The following OTOF variants were observed in gnomAD, a reference collection of about 807,000 sequenced individuals.
OTOF encodes the protein fer-1-like family member 2.
Under a neutral mutation model 236.8 loss-of-function variants are expected in OTOF, and 218 were observed. The observed-to-expected ratio is 0.92, with a 90% CI of 0.82 to 1.03. The LOEUF (loss-of-function observed/expected upper bound fraction) is 1.03. Ranked by LOEUF, OTOF falls within the 50% of genes least tolerant of loss-of-function variation. The pLI is 0.00. For synonymous variants in OTOF, 1,041 were observed against 1,072.5 expected, an observed-to-expected ratio of 0.97 and a Z score of 0.57; for missense variants, 2,590 against 2,694.4, an observed-to-expected ratio of 0.96 and a Z score of 0.86.
intron 5 of OTOF, among the ~76,000 whole-genome samples, chr2:26,513,428 G>A (rs369184485): frequency 2.0e-5 from 3 of 152,128 alleles, no homozygotes; most frequent in African/African-American, 7.2e-5. Context: ...CCCTCCATCC[G>A]TGGAAGATTC....
rs766819324 is a variant in OTOF at position 26,474,609 on chromosome 2, G to C, written c.3192C>G (p.Tyr1064Ter). Reference sequence around the variant, plus strand: ...GCTGAGGTGGGAAGCGGGGTGGGCAGTACGCCTCGTCTGCCATCTTCACCA... The same window carrying C: ...GCTGAGGTGGGAAGCGGGGTGGGCACTACGCCTCGTCTGCCATCTTCACCA... ...KPLVKMADEA[Y>*]CPPRFPPQLE... Residue 1064 changes from tyrosine (Y) to a stop codon, truncating the protein, a stop_gained, in exon 26 of 47, where the codon TAC (tyrosine) becomes TAG (stop). Transcript: ENST00000272371. LOFTEE classifies it high-confidence loss of function. 6.2e-7 allele frequency: 1 copy of C among 1,613,324 alleles called. No homozygotes were observed. The highest frequency in any genetic ancestry group is 2.2e-5 in the East Asian group (1 of 44,880).
Position 26,477,395 on chromosome 2 carries a change from G to A in OTOF, c.2406+21C>T, listed in dbSNP as rs753046338. 1.5e-5 allele frequency: 23 copies of A among 1,571,100 alleles called. No individual in the cohort carries two copies. Among genetic ancestry groups the A allele is most frequent in the African/African-American group, 5.4e-5 (4 of 74,134 alleles). ...CAACCAGGCCCTCCCTCCAGCCCCC[G>A]CCGTCCAGTTGCGTCCTCACCAGCT... On this transcript the variant is annotated intron_variant, in intron 20 of 46. Coordinates refer to ENST00000272371, the MANE Select transcript of OTOF (RefSeq NM_194248.3). The surrounding 1 kb of genome is among the most constrained non-coding windows in gnomAD (Gnocchi z 4.7).
chr2:26,479,693 C>T (rs1487894111), intron 16 of OTOF, 40 bp from the exon 17 acceptor site: 9 of 1,588,952 alleles, frequency 5.7e-6, no homozygotes, highest in Non-Finnish European at 7.8e-6. Context: ...AGTGCATTCC[C>T]CACCAGGCCC....
rs766694664 is a variant in OTOF at position 26,476,113 on chromosome 2, G to A, written c.2866+15C>T. 2 of 1,611,142 alleles carry A rather than the reference G, an allele frequency of 1.2e-6. No individual in the cohort carries two copies. The highest frequency in any genetic ancestry group is 1.7e-6 in the Non-Finnish European group (2 of 1,179,426). Reference sequence around the variant, plus strand: ...CCCTCCCAGGTGAGGCTTCGAGTGAGGGGTCCTCACTCACTGGTGTAGACC... The same window carrying A: ...CCCTCCCAGGTGAGGCTTCGAGTGAAGGGTCCTCACTCACTGGTGTAGACC... On this transcript the variant is annotated intron_variant, in intron 23 of 46. Coordinates refer to ENST00000272371, the MANE Select transcript of OTOF (RefSeq NM_194248.3).
Position 26,460,727 on chromosome 2 carries a change from C to T in OTOF, c.5733G>A (p.Leu1911=). 6.2e-7 allele frequency: 1 copy of T among 1,614,156 alleles called. No homozygotes were observed. The highest frequency in any genetic ancestry group is 8.5e-7 in the Non-Finnish European group (1 of 1,179,994). ...CTGCCTCCTCTGCTGTCAGTAAATG[C>T]AGCTCAGCCTCCACCTTGCCCTGCA... The part of the protein sequence containing the change: ...FELTGKVEAE[L]HLLTAEEAEK... Residue 1911 remains leucine (L), a synonymous_variant, in exon 45 of 47, where the codon CTG becomes CTA. Coordinates refer to ENST00000272371, the MANE Select transcript of OTOF (RefSeq NM_194248.3). This position sits in a 1 kb window ranked among gnomAD's most constrained non-coding sequence, Gnocchi z 5.3.
intron 2 of OTOF, among the ~76,000 whole-genome samples, 162 bp downstream of exon 2, chr2:26,537,554 C>T (rs1376569323): frequency 6.6e-6 from 1 of 152,208 alleles, no homozygotes; most frequent in Non-Finnish European, 1.5e-5. Flanking sequence ...TTCCTGCACA[C>T]CCTCCTTACC....
chr2:26,510,471 T>A (rs1178940462), intron 5 of OTOF, among the ~76,000 whole-genome samples: 1 of 143,482 alleles, frequency 7.0e-6, no homozygotes, highest in Non-Finnish European at 1.5e-5. Flanking sequence ...GAGCCCAGAG[T>A]GGAAACCAGA....
In OTOF at chr2:26,481,014, G is replaced by A; in HGVS notation, c.1580-5C>T. 2 of 1,610,488 alleles carry A rather than the reference G, an allele frequency of 1.2e-6. No individual in the cohort carries two copies. Among genetic ancestry groups the A allele is most frequent in the South Asian group, 1.1e-5 (1 of 91,002 alleles). On this transcript the variant is annotated splice_region_variant and splice_polypyrimidine_tract_variant and intron_variant, in intron 14 of 46. Coordinates refer to ENST00000272371, the MANE Select transcript of OTOF (RefSeq NM_194248.3). Reference sequence around the variant, plus strand: ...GGCCCAGTGTGGGCAGGAAGCCTGTGGCAGTGGGAACAAAAATGAGGGGGC... The same window carrying A: ...GGCCCAGTGTGGGCAGGAAGCCTGTAGCAGTGGGAACAAAAATGAGGGGGC...
chr2:26,485,386 C>A (rs1431062940), intron 11 of OTOF, among the ~76,000 whole-genome samples: 1 of 152,200 alleles, frequency 6.6e-6, no homozygotes, highest in East Asian at 1.9e-4. Flanking sequence ...GCTCTCCATG[C>A]ACACCTCCCA....
Position 26,477,469 on chromosome 2 carries a change from A to T in OTOF, c.2353T>A (p.Ser785Thr). ...TCCCGGTCAAGCCTGGTGCGGGATG[A>T]GTGGCCCTGGTCCTTGTCAGCGAGG... ...LSLADKDQGH[S>T]SRTRLDRERL... is the part of the protein sequence containing the mutation. Residue 785 changes from serine to threonine, a missense_variant, in exon 20 of 47, where the codon TCA becomes ACA. Physicochemically the swap from Ser to Thr is moderately conservative, Grantham distance 58. Transcript: ENST00000272371. This position sits in a 1 kb window ranked among gnomAD's most constrained non-coding sequence, Gnocchi z 4.7. The T allele has an allele frequency of 1.2e-6, 2 of 1,603,812 alleles. No individual in the cohort carries two copies. The highest frequency in any genetic ancestry group is 1.1e-5 in the South Asian group (1 of 89,100).
At chr2:26,503,882 G>A (rs2148080548) in intron 5 of OTOF, 37 bp from the exon 6 acceptor site, 1 of 1,573,648 alleles carries the variant, frequency 6.4e-7, no homozygotes, top group East Asian at 2.2e-5. Context: ...TGCAGGGAGA[G>A]GGACGCATGG....
At position 26,503,841 on chromosome 2, in the gene OTOF, C is replaced by T. The variant is rs397517949; in HGVS notation, c.514G>A (p.Gly172Arg). ...TTCATGGCGGAGAACACGCTCCTCC[C>T]GGCTCTGTGAGGGGGGCCACCAGAA... ...PPGEKSFRRAGRSVFSAMKLG... is the reference protein window; with the variant it reads ...PPGEKSFRRARRSVFSAMKLG... Residue 172 changes from glycine (G) to arginine (R), a missense_variant, in exon 6 of 47, where the codon GGG becomes AGG. Coordinates refer to ENST00000272371, the MANE Select transcript of OTOF (RefSeq NM_194248.3). 12 of 1,613,956 alleles carry T rather than the reference C, an allele frequency of 7.4e-6. No homozygotes were observed. The highest frequency in any genetic ancestry group is 9.3e-6 in the Non-Finnish European group (11 of 1,179,920).
chr2:26,502,347 C>T lies in OTOF; in HGVS notation c.663G>A (p.Val221=), dbSNP rs1442478643. 1 of 1,614,068 alleles carries T rather than the reference C, an allele frequency of 6.2e-7. No homozygotes were observed. Reference sequence around the variant, plus strand: ...TGAGAGCTGTGACTGAGGCTAGAGACACCGAGTCGGGATCCAGTCCATCTC... The same window carrying T: ...TGAGAGCTGTGACTGAGGCTAGAGATACCGAGTCGGGATCCAGTCCATCTC... ...RLGDGLDPDS[V]SLASVTALTT... is the part of the protein sequence containing the mutation. The change falls in exon 7 of 47, where the codon GTG becomes GTA. Residue 221 remains valine, a synonymous_variant. Coordinates refer to ENST00000272371, the MANE Select transcript of OTOF (RefSeq NM_194248.3).
At chr2:26,523,215 G>A (rs1666722530) in intron 3 of OTOF, among the ~76,000 whole-genome samples, 1 of 152,262 alleles carries the variant, frequency 6.6e-6, no homozygotes, top group Admixed American at 6.5e-5. Context: ...AGGCAGAGCT[G>A]GATGCACAAA....
Position 26,477,279 on chromosome 2 carries a change from C to T in OTOF, c.2416G>A (p.Gly806Arg). Residue 806 changes from glycine (G) to arginine (R), a missense_variant, in exon 21 of 47, where the codon GGG becomes AGG. This residue lies in a region of OTOF where 1,379 missense variants were observed against 1,341.6 expected (regional missense o/e 1.03). Transcript: ENST00000272371. This position sits in a 1 kb window ranked among gnomAD's most constrained non-coding sequence, Gnocchi z 4.7. ...KSCMRELENM[G>R]QQARMLRAQV... is the part of the protein sequence containing the mutation. ...GCCCGCAGCATCCTGGCCTGCTGCC[C>T]CATGTTTTCCTGCGAAGGAGGGGGT... The T allele has an allele frequency of 6.2e-7, 1 of 1,609,198 alleles. No homozygotes were observed. The highest frequency in any genetic ancestry group is 1.3e-5 in the African/African-American group (1 of 75,012).
At chr2:26,466,204 G>T in intron 36 of OTOF, 128 bp from the exon 37 acceptor site, 1 of 1,194,942 alleles carries the variant, frequency 8.4e-7, no homozygotes, top group Non-Finnish European at 1.2e-6. Context: ...CCCTCAGGAG[G>T]CTTGCTGTGT....
Position 26,479,264 on chromosome 2 carries a change from C to T in OTOF, c.2214G>A (p.Leu738=). ...ANIMDHIADK[L]EEGLNDIQEM... The stretch of plus-strand genomic sequence containing the variant: ...TGCTGGCCCCTGGCCTGGCCCTGAC[C>T]AGCTTGTCGGCAATGTGGTCCATGA... Residue 738 remains leucine, a splice_region_variant and synonymous_variant, in exon 18 of 47, where the codon CTG becomes CTA. Coordinates refer to ENST00000272371, the MANE Select transcript of OTOF (RefSeq NM_194248.3). 2 of 1,612,622 alleles carry T rather than the reference C, an allele frequency of 1.2e-6. No homozygotes were observed. Among genetic ancestry groups the T allele is most frequent in the Non-Finnish European group, 1.7e-6 (2 of 1,179,896 alleles).
At chr2:26,527,084 C>T (rs1329267708) in intron 3 of OTOF, among the ~76,000 whole-genome samples, 1 of 152,206 alleles carries the variant, frequency 6.6e-6, no homozygotes, top group South Asian at 2.1e-4. Context: ...ATGACAACTA[C>T]TTTTATTGAA....
chr2:26,457,897 CG>C lies in OTOF; in HGVS notation c.*340del. 1 of 848,182 alleles carries C rather than the reference CG, an allele frequency of 1.2e-6. No homozygotes were observed. Among genetic ancestry groups the C allele is most frequent in the Admixed American group, 2.3e-5 (1 of 43,708 alleles). The allele number at this position is 848,182 out of a possible 1,614,324, so 52.5% of individuals were successfully genotyped here. On this transcript the variant is annotated 3_prime_UTR_variant, in exon 47 of 47. Transcript: ENST00000272371. The surrounding 1 kb of genome is among the most constrained non-coding windows in gnomAD (Gnocchi z 4.4). ...TGGGGCAGTGAGGACAGGCGGCCCC[CG>C]CAAGCAGGAGGCAGGCTCGGCCCAA...
Sources: allele counts gnomAD v4.1 joint callset (sites outside exome capture counted in the v4.1 genomes callset), GRCh38; gene constraint gnomAD v4.1.1; regional missense constraint gnomAD v4.1.1; non-coding constraint Gnocchi (gnomAD v3.1); transcripts MANE v1.5; gene names NCBI Gene and HGNC (gene_info 2026-07-23, HGNC 2026-07-21).